Variants in COL11A1 observed in about 807,000 individuals in gnomAD.
COL11A1 encodes collagen alpha-1(XI) chain.
COL11A1 carries 74 observed loss-of-function variants against 265.2 expected under a neutral mutation model. That is an observed-to-expected ratio of 0.28 (90% CI 0.23 to 0.34). The LOEUF (loss-of-function observed/expected upper bound fraction) is 0.34. COL11A1 is among the 10% of genes least tolerant of loss of function. COL11A1 has a pLI of 1.00. For synonymous variants in COL11A1, 816 were observed against 727.6 expected (o/e 1.12, Z -1.96); for missense variants, 2,165 against 2,263.6 (o/e 0.96, Z 0.88).
rs7522949 is a variant in COL11A1 at position 103,077,881 on chromosome 1, C to T, written c.488+777G>A. Reference sequence around the variant, plus strand: ...AACTTAGGCAAATTACTTAAACTCTCTGAGCCTCAGTTCCCTTACCAGGAA... The same window carrying T: ...AACTTAGGCAAATTACTTAAACTCTTTGAGCCTCAGTTCCCTTACCAGGAA... On this transcript the variant is annotated intron_variant, in intron 3 of 66. Coordinates refer to ENST00000370096, the MANE Select transcript of COL11A1 (RefSeq NM_001854.4). 3.0e-3 allele frequency among the ~76,000 whole-genome samples: 461 copies of T among 152,224 alleles called. 3 individuals carry two copies. Among genetic ancestry groups the T allele is most frequent in the African/African-American group, 0.011 (443 of 41,544 alleles).
chr1:102,990,003 T>C (rs564857410), intron 28 of COL11A1, among the ~76,000 whole-genome samples: 12 of 152,142 alleles, frequency 7.9e-5, no homozygotes, highest in South Asian at 4.1e-4. Flanking sequence ...CTGGGCCACA[T>C]GGCAAAACCC....
chr1:103,002,406 A>G, intron 23 of COL11A1, 22 bp downstream of exon 23: 1 of 1,591,952 alleles, frequency 6.3e-7, no homozygotes, highest in Non-Finnish European at 8.6e-7. Context: ...ATTTCAAAGG[A>G]GCTGCAGTGG....
Position 102,972,787 on chromosome 1 carries a change from C to T in COL11A1, c.2808+2043G>A, listed in dbSNP as rs867452824. Among the ~76,000 whole-genome samples, 44 of 152,168 alleles carry T rather than the reference C, an allele frequency of 2.9e-4. No homozygotes were observed. The Middle Eastern group carries it at 0.014, about 47-fold the overall frequency. The stretch of plus-strand genomic sequence containing the variant: ...TGTTTAAGGATGTTTTCTCACTTCT[C>T]ATTGGCACTGAGTTTTGACTTTTTC... On this transcript the variant is annotated intron_variant, in intron 36 of 66. Coordinates refer to ENST00000370096, the MANE Select transcript of COL11A1 (RefSeq NM_001854.4).
intron 3 of COL11A1, among the ~76,000 whole-genome samples, chr1:103,075,123 A>G (rs144276895): frequency 6.6e-6 from 1 of 152,232 alleles, no homozygotes; most frequent in Admixed American, 6.5e-5. Context: ...AGGGTGGGAT[A>G]TGGGGTAAGT....
At chr1:102,981,821 A>T (rs944807153) in intron 31 of COL11A1, among the ~76,000 whole-genome samples, 2 of 151,988 alleles carry the variant, frequency 1.3e-5, no homozygotes, top group Non-Finnish European at 2.9e-5. Flanking sequence ...TATTTTAGAA[A>T]CAGCTATCAT....
intron 1 of COL11A1, among the ~76,000 whole-genome samples, chr1:103,099,331 A>C (rs1674046285): frequency 6.6e-6 from 1 of 151,658 alleles, no homozygotes; most frequent in Admixed American, 6.6e-5. Context: ...ACTTCATAAT[A>C]TAATAATTCC....
chr1:102,958,436 C>A (rs541934443), intron 41 of COL11A1, among the ~76,000 whole-genome samples: 1 of 152,046 alleles, frequency 6.6e-6, no homozygotes, highest in East Asian at 1.9e-4. Context: ...AGAAAACCAT[C>A]CAGTTTTTGT....
In COL11A1 at chr1:103,075,251, G is replaced by A. The variant is rs553492722; in HGVS notation, c.489-471C>T. On this transcript the variant is annotated intron_variant, in intron 3 of 66. Coordinates refer to ENST00000370096, the MANE Select transcript of COL11A1 (RefSeq NM_001854.4). ...GGGTATGTCTACTAATTGAATGAGC[G>A]CTCCATCTAGAGCAAGTCAACGTCC... Among the ~76,000 whole-genome samples the A allele has an allele frequency of 7.8e-4, 118 of 152,204 alleles. 1 individual carries two copies. Among genetic ancestry groups the A allele is most frequent in the Non-Finnish European group, 1.5e-3 (99 of 68,004 alleles).
chr1:103,082,385 A>G (rs1023193132), intron 2 of COL11A1, among the ~76,000 whole-genome samples: 8 of 152,056 alleles, frequency 5.3e-5, no homozygotes, highest in Non-Finnish European at 2.9e-5. Flanking sequence ...TCAAATGCCC[A>G]TTAAATTAAC....
intron 35 of COL11A1, 75 bp from the exon 36 acceptor site, chr1:102,974,958 T>A: frequency 9.3e-7 from 1 of 1,072,840 alleles, no homozygotes. Context: ...GAGGTTTATT[T>A]ACATAGACAA....
chr1:103,017,900 A>G lies in COL11A1; in HGVS notation c.1351-18T>C. ...ATAATACCCTATAGAGAAACACACC[A>G]TATCTTAATCAGATTCCTAATCTCA... On this transcript the variant is annotated intron_variant, in intron 10 of 66. Coordinates refer to ENST00000370096, the MANE Select transcript of COL11A1 (RefSeq NM_001854.4). The G allele has an allele frequency of 1.9e-6, 3 of 1,592,564 alleles. No homozygotes were observed. Among genetic ancestry groups the G allele is most frequent in the South Asian group, 1.1e-5 (1 of 90,596 alleles).
chr1:102,979,274 G>T, intron 32 of COL11A1, 108 bp downstream of exon 32: 1 of 1,223,350 alleles, frequency 8.2e-7, no homozygotes, highest in Non-Finnish European at 1.2e-6. Flanking sequence ...CGGGATTCAA[G>T]CAATCCTCCA....
chr1:102,889,383 CTGTG>C (rs113226085), intron 59 of COL11A1, 68 bp downstream of exon 59: 245 of 799,100 alleles, frequency 3.1e-4, no homozygotes, highest in Non-Finnish European at 4.3e-4. Context: ...ACTTAAAGGA[CTGTG>C]TGTGTGTGTG....
chr1:103,004,134 T>C (rs952874043), intron 20 of COL11A1, among the ~76,000 whole-genome samples: 2 of 152,072 alleles, frequency 1.3e-5, no homozygotes, highest in Non-Finnish European at 2.9e-5. Flanking sequence ...TCTCAGTACA[T>C]AAATTTCGGA....
At chr1:102,933,518 GT>G (rs1657768230) in intron 46 of COL11A1, among the ~76,000 whole-genome samples, 2 of 152,096 alleles carry the variant, frequency 1.3e-5, no homozygotes, top group Non-Finnish European at 2.9e-5. Context: ...GGACATTTAA[GT>G]CTGCAGAGGT....
In COL11A1 at chr1:103,002,303, T is replaced by G. The variant is rs1665183161; in HGVS notation, c.2097+125A>C. ...TTTTAAAAAAAGAAAAGTATGTATTTTCCTACATTCACATTTTAAATATTG... is the reference window on the plus strand; with the variant it reads ...TTTTAAAAAAAGAAAAGTATGTATTGTCCTACATTCACATTTTAAATATTG... On this transcript the variant is annotated intron_variant, in intron 23 of 66. Coordinates refer to ENST00000370096, the MANE Select transcript of COL11A1 (RefSeq NM_001854.4). 5.4e-6 allele frequency: 5 copies of G among 923,302 alleles called. No homozygotes were observed. In the South Asian group the frequency reaches 7.3e-5, roughly 13 times the overall value. The allele number at this position is 923,302 out of a possible 1,614,324, so 57.2% of individuals were successfully genotyped here. A position where few individuals can be genotyped will look rare whatever the true frequency, so the allele number is the denominator to read the frequency against.
chr1:103,001,313 AG>A (rs1304282420), intron 24 of COL11A1: 28 of 396,374 alleles, frequency 7.1e-5, no homozygotes, highest in African/African-American at 4.7e-4. Flanking sequence ...ATATGTTTGT[AG>A]AAATCAACAA....
At chr1:103,032,484 A>AT (rs142034680) in intron 4 of COL11A1, among the ~76,000 whole-genome samples, 1,610 of 152,170 alleles carry the variant, frequency 0.011, 29 homozygotes, top group African/African-American at 0.037. Flanking sequence ...GAGAGTGCAA[A>AT]TTAGTGGTTA....
At chr1:102,993,086 C>T (rs1329940804) in intron 28 of COL11A1, among the ~76,000 whole-genome samples, 2 of 152,068 alleles carry the variant, frequency 1.3e-5, no homozygotes, top group Admixed American at 1.3e-4. Flanking sequence ...ACATCCCCAC[C>T]CCAGTCAGGC....
Sources: allele counts gnomAD v4.1 joint callset (sites outside exome capture counted in the v4.1 genomes callset), GRCh38; gene constraint gnomAD v4.1.1; transcripts MANE v1.5; gene names NCBI Gene and HGNC (gene_info 2026-07-23, HGNC 2026-07-21).